The following TMEM132D variants were observed in gnomAD, a reference collection of about 807,000 sequenced individuals.
The protein encoded by TMEM132D is mature OL transmembrane protein.
TMEM132D carries 21 observed loss-of-function variants against 62.3 expected under a neutral mutation model. The observed-to-expected ratio is 0.34, with a 90% CI of 0.24 to 0.49. TMEM132D has a LOEUF of 0.49. Ranked by LOEUF, TMEM132D falls within the 20% of genes least tolerant of loss-of-function variation. The pLI is 0.99. For synonymous variants in TMEM132D, 621 were observed against 575.6 expected (o/e 1.08, Z -1.13); for missense variants, 1,346 against 1,402.8 (o/e 0.96, Z 0.65).
At position 129,373,460 on chromosome 12, in the gene TMEM132D, G is replaced by A. The variant is rs557074429; in HGVS notation, c.1116-35643C>T. 5.9e-5 allele frequency among the ~76,000 whole-genome samples: 9 copies of A among 151,950 alleles called. No homozygotes were observed. In the South Asian group the frequency reaches 1.0e-3, roughly 18 times the overall value. On this transcript the variant is annotated intron_variant, in intron 3 of 8. Coordinates refer to ENST00000422113, the MANE Select transcript of TMEM132D (RefSeq NM_133448.3). ...ATCCTGGCTAACACAGTGAAACCCCGTCTCTACTAAAAATACAAAAAATTA... is the reference window on the plus strand; with the variant it reads ...ATCCTGGCTAACACAGTGAAACCCCATCTCTACTAAAAATACAAAAAATTA...
intron 1 of TMEM132D, among the ~76,000 whole-genome samples, chr12:129,744,091 C>T (rs923189397): frequency 6.6e-6 from 1 of 152,206 alleles, no homozygotes; most frequent in African/African-American, 2.4e-5. Context: ...TGCCCACTAA[C>T]TGTGTGGATA....
At chr12:129,896,889 C>T (rs1354064929) in intron 1 of TMEM132D, among the ~76,000 whole-genome samples, 1 of 152,202 alleles carries the variant, frequency 6.6e-6, no homozygotes, top group African/African-American at 2.4e-5. Flanking sequence ...ACCTTTATAA[C>T]TGTTGACTGA....
chr12:129,714,366 G>A (rs779855777), intron 1 of TMEM132D, among the ~76,000 whole-genome samples: 3 of 152,330 alleles, frequency 2.0e-5, no homozygotes, highest in Non-Finnish European at 4.4e-5. Context: ...TAACGGGTCA[G>A]TGGAAGCAGA....
chr12:129,409,021 C>T (rs913887273), intron 3 of TMEM132D, among the ~76,000 whole-genome samples: 1 of 151,126 alleles, frequency 6.6e-6, no homozygotes, highest in African/African-American at 2.4e-5. Context: ...CAACCTCTGC[C>T]TCCAGGGTTC....
chr12:129,836,867 A>G (rs1873022413), intron 1 of TMEM132D, among the ~76,000 whole-genome samples: 1 of 152,272 alleles, frequency 6.6e-6, no homozygotes, highest in Non-Finnish European at 1.5e-5. Context: ...AGATTTGGAC[A>G]GCTTGTTAAA....
intron 4 of TMEM132D, among the ~76,000 whole-genome samples, chr12:129,247,846 G>C (rs1396370178): frequency 6.7e-6 from 1 of 150,254 alleles, no homozygotes; most frequent in Non-Finnish European, 1.5e-5. Flanking sequence ...GTTGGAGGCT[G>C]CCAGCTTCAA....
intron 3 of TMEM132D, among the ~76,000 whole-genome samples, chr12:129,483,622 T>G (rs1333154366): frequency 6.6e-6 from 1 of 152,218 alleles, no homozygotes; most frequent in Non-Finnish European, 1.5e-5. Context: ...GCTTGGAACA[T>G]CATTTTGAGT....
chr12:129,591,850 T>C (rs1389267405), intron 2 of TMEM132D, among the ~76,000 whole-genome samples: 2 of 152,196 alleles, frequency 1.3e-5, no homozygotes, highest in Non-Finnish European at 2.9e-5. Context: ...TGGATAATTC[T>C]GACTACTTAA....
In TMEM132D at chr12:129,827,039, G is replaced by T. The variant is rs973857535; in HGVS notation, c.79+76222C>A. ...ACTATTCTAAAAATTACACCATAAT[G>T]AAATATGCAAAATACTAAATTATGA... On this transcript the variant is annotated intron_variant, in intron 1 of 8. Transcript: ENST00000422113. This position sits in a 1 kb window ranked among gnomAD's most constrained non-coding sequence, Gnocchi z 9.7. Among the ~76,000 whole-genome samples, 1 of 152,130 alleles carries T rather than the reference G, an allele frequency of 6.6e-6. No individual in the cohort carries two copies. Among genetic ancestry groups the T allele is most frequent in the Non-Finnish European group, 1.5e-5 (1 of 68,016 alleles).
At chr12:129,746,323 T>C (rs1869776888) in intron 1 of TMEM132D, among the ~76,000 whole-genome samples, 5 of 152,076 alleles carry the variant, frequency 3.3e-5, no homozygotes, top group Admixed American at 2.6e-4. Context: ...AGTGATGTGG[T>C]TTCATTTGCA....
intron 3 of TMEM132D, among the ~76,000 whole-genome samples, chr12:129,474,204 G>A (rs1874189710): frequency 6.6e-6 from 1 of 152,172 alleles, no homozygotes; most frequent in African/African-American, 2.4e-5. Context: ...TCGGGAACAG[G>A]AGTCTCCAAA....
chr12:129,439,142 C>A (rs1457477907), intron 3 of TMEM132D, among the ~76,000 whole-genome samples: 1 of 152,168 alleles, frequency 6.6e-6, no homozygotes, highest in Non-Finnish European at 1.5e-5. Flanking sequence ...AGTGAAGGAG[C>A]ATTTGGGACA....
At chr12:129,855,455 G>A (rs67064875) in intron 1 of TMEM132D, among the ~76,000 whole-genome samples, 58 of 5,542 alleles carry the variant, frequency 0.01, 1 homozygote, top group East Asian at 0.067. Context: ...AACAGAGTCC[G>A]GGGGAACGGG....
intron 5 of TMEM132D, among the ~76,000 whole-genome samples, chr12:129,129,555 G>T (rs1486411855): frequency 6.6e-6 from 1 of 152,202 alleles, no homozygotes; most frequent in African/African-American, 2.4e-5. Flanking sequence ...AGTTCTTTGA[G>T]AAATCTCCAT....
At chr12:129,731,850 G>C (rs916485157) in intron 1 of TMEM132D, among the ~76,000 whole-genome samples, 5 of 152,146 alleles carry the variant, frequency 3.3e-5, no homozygotes, top group African/African-American at 7.2e-5. Flanking sequence ...TTTTAGTAGA[G>C]ACAGGGTTTC....
intron 1 of TMEM132D, among the ~76,000 whole-genome samples, chr12:129,739,403 G>C (rs1427213972): frequency 6.6e-6 from 1 of 152,134 alleles, no homozygotes; most frequent in Admixed American, 6.5e-5. Context: ...CAGAGGAGAC[G>C]TCAACTCTTG....
chr12:129,726,487 G>A (rs930543818), intron 1 of TMEM132D, among the ~76,000 whole-genome samples: 22 of 152,144 alleles, frequency 1.4e-4, no homozygotes, highest in African/African-American at 4.1e-4. Flanking sequence ...GTGTGTGGAG[G>A]GAAAAGAAGA....
chr12:129,884,528 G>A (rs558169374), intron 1 of TMEM132D, among the ~76,000 whole-genome samples: 2 of 152,336 alleles, frequency 1.3e-5, no homozygotes, highest in African/African-American at 4.8e-5. Context: ...AACATCATTA[G>A]TAATTAGGGG....
intron 4 of TMEM132D, among the ~76,000 whole-genome samples, chr12:129,263,507 T>G (rs752776890): frequency 6.6e-6 from 1 of 152,150 alleles, no homozygotes; most frequent in East Asian, 1.9e-4. Context: ...CAGCTCTAAC[T>G]TCTGTGCTCT....
Sources: allele counts gnomAD v4.1 joint callset (sites outside exome capture counted in the v4.1 genomes callset), GRCh38; gene constraint gnomAD v4.1.1; non-coding constraint Gnocchi (gnomAD v3.1); transcripts MANE v1.5; gene names NCBI Gene and HGNC (gene_info 2026-07-23, HGNC 2026-07-21).